The following PCCA variants were observed in gnomAD, a reference collection of about 807,000 sequenced individuals.
PCCA encodes propionyl-CoA carboxylase subunit alpha, also known as propionyl-CoA carboxylase alpha chain, mitochondrial.
In PCCA, 74 loss-of-function variants were observed where a neutral mutation model predicts 101.3. The ratio of observed to expected loss-of-function variants is 0.73; its 90% confidence interval spans 0.61 to 0.89. The LOEUF is 0.89. Among genes scored for constraint, PCCA ranks in the 40% least tolerant of loss-of-function variants. PCCA has a pLI of 0.00. For synonymous variants in PCCA, 294 were observed against 313.6 expected (o/e 0.94, Z 0.66); for missense variants, 891 against 907.0 (o/e 0.98, Z 0.23).
intron 7 of PCCA, among the ~76,000 whole-genome samples, chr13:100,219,764 ATT>A (rs975879033): frequency 6.6e-6 from 1 of 152,270 alleles, no homozygotes; most frequent in East Asian, 1.9e-4. Flanking sequence ...GCCTACTATC[ATT>A]TTTTCCCAAT....
At chr13:100,253,451 G>A (rs1413532245) in intron 8 of PCCA, among the ~76,000 whole-genome samples, 1 of 152,136 alleles carries the variant, frequency 6.6e-6, no homozygotes, top group African/African-American at 2.4e-5. Flanking sequence ...TTTGATAGTA[G>A]AGTTAGAAAG....
At chr13:100,290,544 CT>C (rs917951276) in intron 12 of PCCA, among the ~76,000 whole-genome samples, 1 of 151,964 alleles carries the variant, frequency 6.6e-6, no homozygotes, top group African/African-American at 2.4e-5. Context: ...AATTCAGGGA[CT>C]TTTTTTTCCA....
chr13:100,291,956 C>T, intron 12 of PCCA, among the ~76,000 whole-genome samples: 1 of 152,152 alleles, frequency 6.6e-6, no homozygotes, highest in Non-Finnish European at 1.5e-5. Flanking sequence ...AGAGCCTGTT[C>T]CCAGTTTTTG....
intron 12 of PCCA, among the ~76,000 whole-genome samples, chr13:100,289,128 G>A (rs2064928719): frequency 1.3e-5 from 2 of 152,060 alleles, no homozygotes; most frequent in Admixed American, 6.6e-5. Flanking sequence ...GATGTATGTG[G>A]GTTTATGACT....
At position 100,117,843 on chromosome 13, in the gene PCCA, G is replaced by A. The variant is rs185213608; in HGVS notation, c.300+5782G>A. The stretch of plus-strand genomic sequence containing the variant: ...AAAAAGAAAAAAAAAGAGGCCGGGC[G>A]TAGTGGCTCACGCCTGTAATCCCAG... On this transcript the variant is annotated intron_variant, in intron 4 of 23. Coordinates refer to ENST00000376285, the MANE Select transcript of PCCA (RefSeq NM_000282.4). Among the ~76,000 whole-genome samples, 638 of 152,158 alleles carry A rather than the reference G, an allele frequency of 4.2e-3. 5 individuals carry two copies. The highest frequency in any genetic ancestry group is 0.014 in the African/African-American group (599 of 41,534).
At chr13:100,275,894 G>C (rs2063617950) in intron 12 of PCCA, among the ~76,000 whole-genome samples, 1 of 151,948 alleles carries the variant, frequency 6.6e-6, no homozygotes, top group Admixed American at 6.6e-5. Flanking sequence ...CCTGACTTGG[G>C]TACAATTATC....
intron 16 of PCCA, among the ~76,000 whole-genome samples, chr13:100,315,234 C>G: frequency 6.6e-6 from 1 of 150,390 alleles, no homozygotes; most frequent in East Asian, 2.0e-4. Context: ...GAAATTATTT[C>G]AAAATAATTT....
chr13:100,095,163 C>T (rs1239872020), intron 1 of PCCA, among the ~76,000 whole-genome samples: 3 of 152,116 alleles, frequency 2.0e-5, no homozygotes, highest in Non-Finnish European at 4.4e-5. Flanking sequence ...CTGCCTTCTC[C>T]TCCTCCTTCT....
intron 19 of PCCA, among the ~76,000 whole-genome samples, chr13:100,377,583 C>T (rs1023267049): frequency 3.9e-5 from 6 of 152,170 alleles, no homozygotes; most frequent in African/African-American, 1.2e-4. Flanking sequence ...CAAGCTCTAC[C>T]TCCCAGGTTC....
At chr13:100,354,036 G>T (rs2073622182) in intron 18 of PCCA, among the ~76,000 whole-genome samples, 1 of 149,380 alleles carries the variant, frequency 6.7e-6, no homozygotes. Flanking sequence ...GAGACTGGAG[G>T]ATCACTTCAG....
At chr13:100,449,636 G>GC (rs1419887045) in intron 21 of PCCA, among the ~76,000 whole-genome samples, 2 of 152,094 alleles carry the variant, frequency 1.3e-5, no homozygotes, top group Non-Finnish European at 2.9e-5. Flanking sequence ...ACAGGTGCCT[G>GC]CCACCAAGCT....
Position 100,345,682 on chromosome 13 carries a change from C to T in PCCA, c.1643+5423C>T, listed in dbSNP as rs564915705. 2.0e-5 allele frequency among the ~76,000 whole-genome samples: 3 copies of T among 152,250 alleles called. 1 individual carries two copies. In the South Asian group the frequency reaches 6.2e-4, roughly 32 times the overall value. On this transcript the variant is annotated intron_variant, in intron 18 of 23. Transcript: ENST00000376285. ...CAGATTTTCAATGTAGATAAGACAG[C>T]CTTCTATTGAAAGAAGATGCCATCT... is the stretch of plus-strand genomic sequence containing the variant.
intron 13 of PCCA, 84 bp from the exon 14 acceptor site, chr13:100,302,840 T>A: frequency 1.2e-6 from 1 of 818,740 alleles, no homozygotes; most frequent in South Asian, 1.3e-5. Context: ...GACCTATAAA[T>A]GGTTCTTCAT....
chr13:100,399,027 T>G (rs2077192854), intron 19 of PCCA, among the ~76,000 whole-genome samples: 1 of 152,114 alleles, frequency 6.6e-6, no homozygotes, highest in African/African-American at 2.4e-5. Flanking sequence ...ATTGGTTAAT[T>G]TGAAGAAATA....
intron 20 of PCCA, among the ~76,000 whole-genome samples, chr13:100,431,864 T>C (rs2079571785): frequency 6.7e-6 from 1 of 150,250 alleles, no homozygotes; most frequent in South Asian, 2.1e-4. Context: ...AGACTCCATC[T>C]CAAAAAAAAT....
At chr13:100,287,751 G>A (rs2064798392) in intron 12 of PCCA, among the ~76,000 whole-genome samples, 1 of 152,022 alleles carries the variant, frequency 6.6e-6, no homozygotes, top group African/African-American at 2.4e-5. Flanking sequence ...GTCACTGTCA[G>A]CATCTTACCA....
intron 20 of PCCA, among the ~76,000 whole-genome samples, chr13:100,434,214 C>G (rs1228416240): frequency 2.0e-5 from 3 of 152,050 alleles, no homozygotes; most frequent in Non-Finnish European, 4.4e-5. Flanking sequence ...AGTCCTCTTT[C>G]TGGTTTCATA....
intron 21 of PCCA, among the ~76,000 whole-genome samples, chr13:100,473,535 T>C (rs1462059438): frequency 6.6e-6 from 1 of 152,236 alleles, no homozygotes; most frequent in Non-Finnish European, 1.5e-5. Flanking sequence ...CTCTCTATAG[T>C]ACATACACTC....
chr13:100,132,373 G>A (rs1047419906), intron 4 of PCCA, among the ~76,000 whole-genome samples: 4 of 141,192 alleles, frequency 2.8e-5, no homozygotes, highest in African/African-American at 1.0e-4. Context: ...AACCACGGAT[G>A]TGTTTCCCAT....
Sources: allele counts gnomAD v4.1 joint callset (sites outside exome capture counted in the v4.1 genomes callset), GRCh38; gene constraint gnomAD v4.1.1; transcripts MANE v1.5; gene names NCBI Gene and HGNC (gene_info 2026-07-23, HGNC 2026-07-21).